HSD17B4: variants seen among roughly 807,000 people sequenced by gnomAD.
The protein encoded by HSD17B4 is hydroxysteroid 17-beta dehydrogenase 4, also known as peroxisomal multifunctional enzyme type 2.
In HSD17B4, 70 loss-of-function variants were observed where a neutral mutation model predicts 101.0. That is an observed-to-expected ratio of 0.69 (90% CI 0.57 to 0.85). The LOEUF is 0.85. Among genes scored for constraint, HSD17B4 ranks in the 40% least tolerant of loss-of-function variants. The pLI, the probability that HSD17B4 is intolerant of heterozygous loss-of-function variation, is 0.00. For missense variants in HSD17B4, 984 were observed against 892.4 expected (o/e 1.10, Z -1.31); for synonymous variants, 347 against 297.1 (o/e 1.17, Z -1.73).
intron 2 of HSD17B4, among the ~76,000 whole-genome samples, chr5:119,470,617 T>G (rs759640914): frequency 6.6e-6 from 1 of 152,354 alleles, no homozygotes; most frequent in Admixed American, 6.5e-5. Flanking sequence ...CTAAGCTGAT[T>G]CCATCTGGAT....
At chr5:119,516,017 A>T (rs1385056534) in intron 17 of HSD17B4, among the ~76,000 whole-genome samples, 1 of 152,210 alleles carries the variant, frequency 6.6e-6, no homozygotes, top group Non-Finnish European at 1.5e-5. Context: ...CTTAAAAGTT[A>T]AAAAATTTTT....
chr5:119,476,672 C>T (rs1425703795), intron 6 of HSD17B4: 25 of 985,344 alleles, frequency 2.5e-5, no homozygotes, highest in Non-Finnish European at 3.0e-5. Flanking sequence ...ATAGGATTTG[C>T]TGGCAAAGGG....
intron 17 of HSD17B4, 77 bp from the exon 18 acceptor site, chr5:119,525,139 A>G: frequency 2.1e-6 from 2 of 935,602 alleles, no homozygotes; most frequent in Non-Finnish European, 3.5e-6. Context: ...ACCAATAACC[A>G]GCCATGTTTC....
intron 2 of HSD17B4, among the ~76,000 whole-genome samples, chr5:119,463,118 G>A (rs1330461402): frequency 6.6e-6 from 1 of 151,994 alleles, no homozygotes; most frequent in African/African-American, 2.4e-5. Context: ...TTATCTTTCT[G>A]TGCCTGGCTT....
intron 17 of HSD17B4, among the ~76,000 whole-genome samples, chr5:119,520,772 T>A (rs1372259721): frequency 6.6e-6 from 1 of 152,168 alleles, no homozygotes. Flanking sequence ...GCAAAAGTCG[T>A]GTATACCTTT....
At chr5:119,474,531 C>T in intron 4 of HSD17B4, 71 bp downstream of exon 4, 1 of 891,682 alleles carries the variant, frequency 1.1e-6, no homozygotes, top group South Asian at 1.3e-5. Context: ...TTTAAGTTGA[C>T]TTTCATTTAC....
intron 12 of HSD17B4, among the ~76,000 whole-genome samples, chr5:119,498,912 T>C (rs1750895993): frequency 6.6e-6 from 1 of 152,200 alleles, no homozygotes; most frequent in Non-Finnish European, 1.5e-5. Context: ...TATGAGGCAA[T>C]CAAATTTACA....
At chr5:119,516,406 G>A (rs1456931520) in intron 17 of HSD17B4, among the ~76,000 whole-genome samples, 1 of 151,756 alleles carries the variant, frequency 6.6e-6, no homozygotes, top group African/African-American at 2.4e-5. Context: ...AGTTTCCAAG[G>A]TTTGAATTTC....
At chr5:119,483,535 C>G (rs1749338099) in intron 8 of HSD17B4, among the ~76,000 whole-genome samples, 1 of 152,064 alleles carries the variant, frequency 6.6e-6, no homozygotes, top group Non-Finnish European at 1.5e-5. Flanking sequence ...TGCAGGGTAT[C>G]TTTTAATGGT....
At chr5:119,513,094 AAAT>A (rs1752316462) in intron 16 of HSD17B4, among the ~76,000 whole-genome samples, 1 of 152,238 alleles carries the variant, frequency 6.6e-6, no homozygotes, top group African/African-American at 2.4e-5. Flanking sequence ...GGATGTGAAA[AAAT>A]TACCTTGACA....
In HSD17B4 at chr5:119,509,229, A is replaced by T. The variant is rs746747692; in HGVS notation, c.1422A>T (p.Thr474=). 2 of 1,599,532 alleles carry T rather than the reference A, an allele frequency of 1.3e-6. No individual in the cohort carries two copies. The highest frequency in any genetic ancestry group is 1.3e-5 in the African/African-American group (1 of 74,650). Residue 474 remains threonine, a synonymous_variant, in exon 16 of 24, where the codon ACA becomes ACT. Coordinates refer to ENST00000510025, the MANE Select transcript of HSD17B4 (RefSeq NM_000414.4). ...VGSGGFGGKR[T]SDKVKVAVAI... ...CTGGAGGCTTTGGTGGAAAACGGAC[A>T]TCAGACAAAGTCAAGGTAAGCCATG...
chr5:119,460,770 A>G (rs1755146784), intron 2 of HSD17B4, among the ~76,000 whole-genome samples: 1 of 152,174 alleles, frequency 6.6e-6, no homozygotes, highest in Admixed American at 6.5e-5. Flanking sequence ...ATCAAGAAAT[A>G]CATATGTAAA....
At chr5:119,455,190 T>G (rs1754487201) in intron 1 of HSD17B4, among the ~76,000 whole-genome samples, 1 of 152,226 alleles carries the variant, frequency 6.6e-6, no homozygotes. Flanking sequence ...CAGTTTCTAA[T>G]GTGTTTTTCC....
chr5:119,456,438 G>T (rs961023983), intron 2 of HSD17B4, 70 bp downstream of exon 2: 1 of 988,232 alleles, frequency 1.0e-6, no homozygotes, highest in Non-Finnish European at 1.6e-6. Flanking sequence ...AGCTATCTTT[G>T]TCTTTCTATC....
At chr5:119,538,955 C>T (rs1442537441) in intron 23 of HSD17B4, among the ~76,000 whole-genome samples, 1 of 152,050 alleles carries the variant, frequency 6.6e-6, no homozygotes. Flanking sequence ...TTCAGCCTAG[C>T]CTAGAATATT....
In HSD17B4 at chr5:119,536,406, C is replaced by T. The variant is rs1418011224; in HGVS notation, c.1994-17C>T. 1 of 1,610,610 alleles carries T rather than the reference C, an allele frequency of 6.2e-7. No individual in the cohort carries two copies. Among genetic ancestry groups the T allele is most frequent in the African/African-American group, 1.3e-5 (1 of 74,764 alleles). On this transcript the variant is annotated splice_polypyrimidine_tract_variant and intron_variant, in intron 22 of 23. Coordinates refer to ENST00000510025, the MANE Select transcript of HSD17B4 (RefSeq NM_000414.4). Reference sequence around the variant, plus strand: ...GAGAGAAAAAGATACACATTGGTTTCTTCCTATTTTTCCCAGCTATTGACC... The same window carrying T: ...GAGAGAAAAAGATACACATTGGTTTTTTCCTATTTTTCCCAGCTATTGACC...
intron 2 of HSD17B4, among the ~76,000 whole-genome samples, chr5:119,459,918 C>T (rs1011095104): frequency 5.4e-5 from 8 of 149,362 alleles, no homozygotes; most frequent in Non-Finnish European, 7.4e-5. Flanking sequence ...TTGCCCAGGC[C>T]GGACTGCAGT....
intron 15 of HSD17B4, among the ~76,000 whole-genome samples, chr5:119,507,922 A>T (rs920269894): frequency 1.1e-4 from 17 of 152,292 alleles, no homozygotes; most frequent in African/African-American, 3.6e-4. Flanking sequence ...ACCCAAGAAC[A>T]GTATAAAGTT....
Position 119,489,226 on chromosome 5 carries a change from A to G in HSD17B4, c.657A>G (p.Ala219=), listed in dbSNP as rs763810073. ...AAGCCCTGAAGCCAGAGTATGTGGC[A>G]CCTCTTGTCCTTTGGCTTTGTCACG... ...LVEALKPEYV[A]PLVLWLCHES... Residue 219 remains alanine, a synonymous_variant, in exon 9 of 24, where the codon GCA becomes GCG. Transcript: ENST00000510025. The G allele has an allele frequency of 1.2e-6, 2 of 1,612,516 alleles. No homozygotes were observed. Among genetic ancestry groups the G allele is most frequent in the African/African-American group, 2.7e-5 (2 of 74,826 alleles).
Sources: gnomAD v4.1 joint callset for allele counts (sites outside exome capture counted in the v4.1 genomes callset) on GRCh38, gnomAD v4.1.1 for gene constraint, MANE v1.5 for transcripts, NCBI Gene and HGNC (gene_info 2026-07-23, HGNC 2026-07-21) for gene names.